Variants in EML1 observed in about 807,000 individuals in gnomAD.
The protein encoded by EML1 is echinoderm microtubule-associated protein-like 1.
A neutral mutation model predicts 110.4 loss-of-function variants in EML1; 27 were observed. That is an observed-to-expected ratio of 0.24 (90% CI 0.18 to 0.34). EML1 has a LOEUF of 0.34. Ranked by LOEUF, EML1 falls within the 10% of genes least tolerant of loss-of-function variation. EML1 has a pLI of 1.00. For synonymous variants in EML1, 344 were observed against 385.8 expected (o/e 0.89, Z 1.27); for missense variants, 741 against 1,030.9 (o/e 0.72, Z 3.85).
intron 1 of EML1, 73 bp downstream of exon 1, chr14:99,793,616 C>T (rs1275936888): frequency 4.1e-6 from 4 of 974,194 alleles, no homozygotes; most frequent in Non-Finnish European, 4.9e-6. Flanking sequence ...ACGGCGGGGA[C>T]CAAGCCGAGG....
chr14:99,912,030 C>T lies in EML1; in HGVS notation c.1494+454C>T, dbSNP rs150879560. Among the ~76,000 whole-genome samples, 253 of 150,856 alleles carry T rather than the reference C, an allele frequency of 1.7e-3. 1 individual carries two copies. Among genetic ancestry groups the T allele is most frequent in the African/African-American group, 6.0e-3 (246 of 41,044 alleles). On this transcript the variant is annotated intron_variant, in intron 13 of 21. Coordinates refer to ENST00000262233, the MANE Select transcript of EML1 (RefSeq NM_004434.3). ...CCCACCTCAGCCTCCCAAGTAGCTG[C>T]GACTTTAGACACACACCACCACACC...
Position 99,914,704 on chromosome 14 carries a change from A to T in EML1, c.1752+7A>T. On this transcript the variant is annotated splice_region_variant and intron_variant, in intron 15 of 21. Transcript: ENST00000262233. Reference sequence around the variant, plus strand: ...CTGGGACAAAATAATAGAGGTAAACATGCACATTACATTTCCATTTTTCTT... The same window carrying T: ...CTGGGACAAAATAATAGAGGTAAACTTGCACATTACATTTCCATTTTTCTT... 3 of 1,597,686 alleles carry T rather than the reference A, an allele frequency of 1.9e-6. No homozygotes were observed. The highest frequency in any genetic ancestry group is 2.6e-6 in the Non-Finnish European group (3 of 1,175,808).
intron 1 of EML1, among the ~76,000 whole-genome samples, chr14:99,799,796 G>C (rs2057840674): frequency 6.6e-6 from 1 of 152,216 alleles, no homozygotes; most frequent in South Asian, 2.1e-4. Context: ...GTGGAGGTTG[G>C]ATAAGAGAGG....
chr14:99,910,472 C>A, intron 12 of EML1, 131 bp downstream of exon 12: 1 of 667,984 alleles, frequency 1.5e-6, no homozygotes. Context: ...CAGAGACACA[C>A]ACATACATGT....
In EML1 at chr14:99,917,876, C is replaced by G. The variant is rs760001933; in HGVS notation, c.1820+27C>G. 7 of 1,611,270 alleles carry G rather than the reference C, an allele frequency of 4.3e-6. No homozygotes were observed. The Admixed American group carries it at 1.2e-4, about 27-fold the overall frequency. ...TAAGTCCATGCCAACAGCGCTTGTG[C>G]TTGCAAAGCTTATGGAAAAGAGGCC... On this transcript the variant is annotated intron_variant, in intron 16 of 21. Transcript: ENST00000262233.
chr14:99,783,149 C>G (rs8021724), intron 1 of EML1, among the ~76,000 whole-genome samples: 2 of 116,292 alleles, frequency 1.7e-5, no homozygotes, highest in African/African-American at 3.2e-5. Context: ...CCCCTCCCCC[C>G]ACCCACAACA....
intron 15 of EML1, among the ~76,000 whole-genome samples, chr14:99,916,890 A>AT (rs1377103558): frequency 6.6e-6 from 1 of 152,040 alleles, no homozygotes; most frequent in African/African-American, 2.4e-5. Flanking sequence ...GTGTCACCTC[A>AT]TCCCTCCCTC....
chr14:99,889,159 G>A (rs937360982), intron 4 of EML1, among the ~76,000 whole-genome samples: 2 of 152,132 alleles, frequency 1.3e-5, no homozygotes, highest in African/African-American at 4.8e-5. Context: ...CCCTTTGAGG[G>A]GTGGGTGTGT....
At chr14:99,891,298 G>T (rs1252786331) in intron 5 of EML1, 71 bp downstream of exon 5, 14 of 1,601,188 alleles carry the variant, frequency 8.7e-6, no homozygotes, top group Non-Finnish European at 1.2e-5. Context: ...CAGAAAAGAA[G>T]TAGCCAGCTT....
intron 15 of EML1, among the ~76,000 whole-genome samples, chr14:99,917,347 A>T (rs1384491788): frequency 6.6e-6 from 1 of 152,166 alleles, no homozygotes; most frequent in East Asian, 1.9e-4. Flanking sequence ...AGACAGGAGG[A>T]TCACTTGAGC....
chr14:99,863,316 T>A (rs2059034632), intron 2 of EML1, among the ~76,000 whole-genome samples: 2 of 152,196 alleles, frequency 1.3e-5, no homozygotes. Context: ...GAGGTTGTCA[T>A]ATGTTTGTCA....
At chr14:99,825,889 A>G (rs1306747026) in intron 1 of EML1, among the ~76,000 whole-genome samples, 2 of 152,152 alleles carry the variant, frequency 1.3e-5, no homozygotes, top group Non-Finnish European at 2.9e-5. Context: ...TTTAGATGTA[A>G]GGCATCACTT....
intron 1 of EML1, among the ~76,000 whole-genome samples, chr14:99,840,210 C>T (rs2058611652): frequency 6.6e-6 from 1 of 152,130 alleles, no homozygotes; most frequent in Non-Finnish European, 1.5e-5. Flanking sequence ...TTTTAAACTA[C>T]TAAATCTGGT....
intron 4 of EML1, 99 bp from the exon 5 acceptor site, chr14:99,891,100 G>T: frequency 1.5e-6 from 2 of 1,365,262 alleles, no homozygotes; most frequent in Non-Finnish European, 2.1e-6. Flanking sequence ...TGCAGCATTT[G>T]TGTGGCAGAC....
At chr14:99,760,493 T>A (rs1042301641) in intron 1 of EML1, among the ~76,000 whole-genome samples, 1 of 152,216 alleles carries the variant, frequency 6.6e-6, no homozygotes, top group Non-Finnish European at 1.5e-5. Context: ...TTGGGATTAC[T>A]GTGCAGGGTG....
chr14:99,752,364 G>A (rs960731300), intron 1 of EML1, among the ~76,000 whole-genome samples: 4 of 152,288 alleles, frequency 2.6e-5, no homozygotes, highest in Admixed American at 6.5e-5. Context: ...CCAACGCCAG[G>A]GTCGCCGGGC....
Position 99,838,062 on chromosome 14 carries a change from A to G in EML1, c.68-12791A>G, listed in dbSNP as rs1197522056. Reference sequence around the variant, plus strand: ...CCACTCCCCCCACCTCAACCTTCCAAAGTGCTGGGATTACAGGCATAAGCC... The same window carrying G: ...CCACTCCCCCCACCTCAACCTTCCAGAGTGCTGGGATTACAGGCATAAGCC... On this transcript the variant is annotated intron_variant, in intron 1 of 21. Transcript: ENST00000262233. Among the ~76,000 whole-genome samples the G allele has an allele frequency of 2.0e-5, 3 of 152,040 alleles. No homozygotes were observed. In the East Asian group the frequency reaches 5.8e-4, roughly 29 times the overall value.
rs114766261 is a variant in EML1, at chr14:99,827,380, C to T, written c.68-23473C>T. On this transcript the variant is annotated intron_variant, in intron 1 of 21. Transcript: ENST00000262233. This position sits in a 1 kb window ranked among gnomAD's most constrained non-coding sequence, Gnocchi z 4.4. Reference sequence around the variant, plus strand: ...GCTGGTATGAGTACTCGAAGTACCCCGGCAGAGTAGCGGCACCTAGTAGCC... The same window carrying T: ...GCTGGTATGAGTACTCGAAGTACCCTGGCAGAGTAGCGGCACCTAGTAGCC... Among the ~76,000 whole-genome samples the T allele has an allele frequency of 4.7e-3, 716 of 152,112 alleles. 6 individuals carry two copies. The highest frequency in any genetic ancestry group is 0.016 in the African/African-American group (681 of 41,476).
At chr14:99,842,795 T>C in intron 1 of EML1, among the ~76,000 whole-genome samples, 1 of 152,228 alleles carries the variant, frequency 6.6e-6, no homozygotes, top group East Asian at 1.9e-4. Context: ...TGTTGTTTTA[T>C]AATATTGATT....
Sources: allele counts gnomAD v4.1 joint callset (sites outside exome capture counted in the v4.1 genomes callset), GRCh38; gene constraint gnomAD v4.1.1; non-coding constraint Gnocchi (gnomAD v3.1); transcripts MANE v1.5; gene names NCBI Gene and HGNC (gene_info 2026-07-23, HGNC 2026-07-21).